The following HSDL2 variants were observed in gnomAD, a reference collection of about 807,000 sequenced individuals.
HSDL2 encodes the protein hydroxysteroid dehydrogenase like 2.
HSDL2 carries 27 observed loss-of-function variants against 46.3 expected under a neutral mutation model. That is an observed-to-expected ratio of 0.58 (90% confidence interval 0.43 to 0.80). The LOEUF is 0.80. HSDL2 is among the 30% of genes least tolerant of loss of function. HSDL2 has a pLI of 0.00. For missense variants in HSDL2, 451 were observed against 502.7 expected (o/e 0.90, Z 0.98); for synonymous variants, 153 against 163.6 (o/e 0.94, Z 0.50).
intron 1 of HSDL2, among the ~76,000 whole-genome samples, chr9:112,391,256 A>C (rs974654433): frequency 2.0e-5 from 3 of 151,950 alleles, no homozygotes; most frequent in African/African-American, 4.8e-5. Flanking sequence ...GCTTGAGGCC[A>C]GAAATTAAAG....
intron 4 of HSDL2, among the ~76,000 whole-genome samples, chr9:112,416,348 G>T (rs1831992618): frequency 6.6e-6 from 1 of 151,478 alleles, no homozygotes; most frequent in Non-Finnish European, 1.5e-5. Flanking sequence ...AGGACCACTT[G>T]AGCTGGGGAG....
At chr9:112,455,255 G>T (rs7864737) in intron 9 of HSDL2, among the ~76,000 whole-genome samples, 2 of 151,600 alleles carry the variant, frequency 1.3e-5, no homozygotes, top group Non-Finnish European at 2.9e-5. Context: ...ACAAATAAAA[G>T]TTAAGAAACA....
At chr9:112,409,083 G>C (rs1429497844) in intron 4 of HSDL2, 62 bp downstream of exon 4, 2 of 914,988 alleles carry the variant, frequency 2.2e-6, no homozygotes, top group African/African-American at 3.3e-5. Flanking sequence ...AACTTACATA[G>C]TTGTAAACAG....
At chr9:112,392,916 A>C (rs940035261) in intron 1 of HSDL2, among the ~76,000 whole-genome samples, 1 of 152,182 alleles carries the variant, frequency 6.6e-6, no homozygotes, top group East Asian at 1.9e-4. Flanking sequence ...TGTCCATGAA[A>C]TCTTCACAAT....
intron 8 of HSDL2, among the ~76,000 whole-genome samples, chr9:112,451,218 A>G (rs1301878084): frequency 6.6e-6 from 1 of 152,222 alleles, no homozygotes; most frequent in Non-Finnish European, 1.5e-5. Flanking sequence ...AAATATTGGA[A>G]TTCATAGCTC....
intron 4 of HSDL2, among the ~76,000 whole-genome samples, chr9:112,411,228 TG>T (rs1469402982): frequency 6.6e-6 from 1 of 152,144 alleles, no homozygotes; most frequent in African/African-American, 2.4e-5. Context: ...CTCTCTGAAT[TG>T]GGAAAATGAG....
chr9:112,389,380 G>A (rs1185042310), intron 1 of HSDL2, among the ~76,000 whole-genome samples: 2 of 152,124 alleles, frequency 1.3e-5, no homozygotes, highest in Non-Finnish European at 2.9e-5. Flanking sequence ...AAAGGGAGAA[G>A]GAGAGAAAAT....
intron 6 of HSDL2, among the ~76,000 whole-genome samples, chr9:112,423,494 G>A (rs1832172676): frequency 6.6e-6 from 1 of 151,906 alleles, no homozygotes; most frequent in African/African-American, 2.4e-5. Context: ...ATTTTTAGTA[G>A]AGAGGGGGTT....
At chr9:112,392,292 G>T (rs373215121) in intron 1 of HSDL2, among the ~76,000 whole-genome samples, 1 of 152,214 alleles carries the variant, frequency 6.6e-6, no homozygotes, top group Non-Finnish European at 1.5e-5. Flanking sequence ...ACTGATAAGG[G>T]TCTATGTTCA....
At chr9:112,401,276 T>C (rs1224186585) in intron 1 of HSDL2, among the ~76,000 whole-genome samples, 1 of 151,784 alleles carries the variant, frequency 6.6e-6, no homozygotes, top group Non-Finnish European at 1.5e-5. Context: ...CTGGGTGACA[T>C]AGTGAGACCT....
At chr9:112,392,150 G>C (rs1330963347) in intron 1 of HSDL2, among the ~76,000 whole-genome samples, 1 of 152,176 alleles carries the variant, frequency 6.6e-6, no homozygotes, top group Non-Finnish European at 1.5e-5. Context: ...TTTCAAAAGA[G>C]GGGGAGGTGT....
At chr9:112,447,241 C>A (rs942742834) in intron 8 of HSDL2, among the ~76,000 whole-genome samples, 1 of 152,152 alleles carries the variant, frequency 6.6e-6, no homozygotes, top group Non-Finnish European at 1.5e-5. Flanking sequence ...TTCTGGCTTA[C>A]ATATTTGTAG....
At chr9:112,441,643 A>T in intron 7 of HSDL2, 56 bp from the exon 8 acceptor site, 1 of 1,174,372 alleles carries the variant, frequency 8.5e-7, no homozygotes, top group Non-Finnish European at 1.3e-6. Flanking sequence ...AACAGATGTT[A>T]AAATCTTACT....
chr9:112,397,530 C>T (rs1448439182), intron 1 of HSDL2, among the ~76,000 whole-genome samples: 2 of 152,134 alleles, frequency 1.3e-5, no homozygotes, highest in South Asian at 2.1e-4. Flanking sequence ...ACTTGGGGCA[C>T]GTAATTTATC....
At chr9:112,464,726 C>T (rs948000347) in intron 10 of HSDL2, among the ~76,000 whole-genome samples, 1 of 152,160 alleles carries the variant, frequency 6.6e-6, no homozygotes, top group African/African-American at 2.4e-5. Context: ...CCATACAGTT[C>T]ACCCACTTAA....
chr9:112,458,809 G>A (rs1200462314), intron 9 of HSDL2, among the ~76,000 whole-genome samples: 2 of 151,312 alleles, frequency 1.3e-5, no homozygotes, highest in Non-Finnish European at 2.9e-5. Context: ...GTGAGACCCC[G>A]TCTCTACTAA....
Position 112,469,363 on chromosome 9 carries a change from G to A in HSDL2, c.1145-1069G>A, listed in dbSNP as rs978703001. 6.4e-4 allele frequency among the ~76,000 whole-genome samples: 98 copies of A among 152,116 alleles called. 1 individual carries two copies. Among genetic ancestry groups the A allele is most frequent in the African/African-American group, 2.1e-3 (88 of 41,494 alleles). ...ACATATTGTGCCTTCTAGAAGATAT[G>A]TCATCTATATCAATTAGCATAATGT... is the stretch of plus-strand genomic sequence containing the variant. On this transcript the variant is annotated intron_variant, in intron 10 of 10. Coordinates refer to ENST00000398805, the MANE Select transcript of HSDL2 (RefSeq NM_032303.5).
intron 10 of HSDL2, among the ~76,000 whole-genome samples, chr9:112,466,067 ATT>A (rs1833369559): frequency 6.6e-6 from 1 of 151,914 alleles, no homozygotes; most frequent in South Asian, 2.1e-4. Flanking sequence ...TTTTGTTATT[ATT>A]TTGTTTTTTC....
rs1406443125 is a variant in HSDL2, at chr9:112,399,477, A to G, written c.18-4518A>G. Among the ~76,000 whole-genome samples the G allele has an allele frequency of 1.1e-4, 16 of 152,224 alleles. No homozygotes were observed. The East Asian group carries it at 3.1e-3, about 29-fold the overall frequency. ...CTTAAACAACAGAAAACAGGGTTCG[A>G]GAGCAGAGAACCAGTTGGACCACAA... On this transcript the variant is annotated intron_variant, in intron 1 of 10. Coordinates refer to ENST00000398805, the MANE Select transcript of HSDL2 (RefSeq NM_032303.5).
Sources: allele counts gnomAD v4.1 joint callset (sites outside exome capture counted in the v4.1 genomes callset), GRCh38; gene constraint gnomAD v4.1.1; transcripts MANE v1.5; gene names NCBI Gene and HGNC (gene_info 2026-07-23, HGNC 2026-07-21).